SLC12A7: variants seen among roughly 807,000 people sequenced by gnomAD.
SLC12A7 encodes solute carrier family 12 member 7.
SLC12A7 carries 100 observed loss-of-function variants against 120.6 expected under a neutral mutation model. That is an observed-to-expected ratio of 0.83 (90% CI 0.71 to 0.98). The LOEUF (loss-of-function observed/expected upper bound fraction) is 0.98, where lower values mean the gene tolerates loss of function less well. Among genes scored for constraint, SLC12A7 ranks in the 50% least tolerant of loss-of-function variants. The pLI, the probability that SLC12A7 is intolerant of heterozygous loss-of-function variation, is 0.00. For synonymous variants in SLC12A7, 760 were observed against 678.0 expected (o/e 1.12, Z -1.88); for missense variants, 1,373 against 1,548.1 (o/e 0.89, Z 1.90).
the SLC12A7 span, among the ~76,000 whole-genome samples, chr5:1,120,705 G>A: frequency 1.3e-5 from 2 of 152,218 alleles, no homozygotes; most frequent in African/African-American, 4.8e-5. Flanking sequence ...ACGGGCCACA[G>A]ATGGCGTGTC....
the SLC12A7 span, among the ~76,000 whole-genome samples, chr5:1,132,039 C>T: frequency 6.6e-6 from 1 of 152,170 alleles, no homozygotes; most frequent in Admixed American, 6.5e-5. Flanking sequence ...TGAGACGGGA[C>T]GACCGCGCAA....
In SLC12A7 at chr5:1,088,446, G is replaced by A. The variant is rs148303944; in HGVS notation, c.490-86C>T. On this transcript the variant is annotated intron_variant, in intron 4 of 23. Coordinates refer to ENST00000264930, the MANE Select transcript of SLC12A7 (RefSeq NM_006598.3). ...ACTCCCAAGTCAGGGTCTATGACCC[G>A]GCTCCCGCCGAATGCCAGCCCCCAA... is the stretch of plus-strand genomic sequence containing the variant. The A allele has an allele frequency of 2.5e-3, 3,505 of 1,409,268 alleles. 29 individuals are homozygous for A. The highest frequency in any genetic ancestry group is 4.4e-3 in the Middle Eastern group (25 of 5,678). The allele number at this position is 1,409,268 out of a possible 1,614,324, so 87.3% of individuals were successfully genotyped here.
At chr5:1,096,856 G>GGGGGGGAGGGAGGGAA (rs1741293742) in intron 1 of SLC12A7, among the ~76,000 whole-genome samples, 1 of 111,172 alleles carries the variant, frequency 9.0e-6, no homozygotes, top group African/African-American at 3.4e-5. Context: ...GAAGGAGGGA[G>GGGGGGGAGGGAGGGAA]GGAGGGATGA....
At chr5:1,088,226 G>T in intron 5 of SLC12A7, 80 bp downstream of exon 5, 1 of 1,445,362 alleles carries the variant, frequency 6.9e-7, no homozygotes, top group Non-Finnish European at 9.5e-7. Context: ...CTCGCCAAGC[G>T]GCCTCCTCGC....
intron 1 of SLC12A7, among the ~76,000 whole-genome samples, chr5:1,109,181 A>C (rs112763448): frequency 4.0e-4 from 61 of 152,254 alleles, no homozygotes; most frequent in African/African-American, 1.4e-3. Context: ...CCTTCCAGAC[A>C]GGCCGGGGCA....
chr5:1,146,960 T>C, the SLC12A7 span, among the ~76,000 whole-genome samples: 1 of 152,326 alleles, frequency 6.6e-6, no homozygotes, highest in Non-Finnish European at 1.5e-5. This position sits in a 1 kb window ranked among gnomAD's most constrained non-coding sequence, Gnocchi z 6.5. Context: ...GCCGTGTCAC[T>C]GCACAGTCAC....
chr5:1,140,253 T>C, the SLC12A7 span, among the ~76,000 whole-genome samples: 1 of 152,066 alleles, frequency 6.6e-6, no homozygotes, highest in Non-Finnish European at 1.5e-5. Context: ...CAGATCCCCC[T>C]CCTGAGAAAG....
intron 5 of SLC12A7, among the ~76,000 whole-genome samples, chr5:1,087,494 C>T (rs927435357): frequency 5.3e-5 from 8 of 152,270 alleles, no homozygotes; most frequent in Admixed American, 2.6e-4. Context: ...GCCTGGAGAA[C>T]ACAGCTCTCC....
chr5:1,053,891 A>G (rs1319153867), intron 22 of SLC12A7, among the ~76,000 whole-genome samples: 1 of 152,190 alleles, frequency 6.6e-6, no homozygotes, highest in East Asian at 1.9e-4. Context: ...TGACATCTAC[A>G]TCATCGCCCC....
At chr5:1,116,426 C>G (rs73731199), upstream of SLC12A7, among the ~76,000 whole-genome samples, 332 of 152,340 alleles carry the variant, frequency 2.2e-3, 2 homozygotes, top group African/African-American at 7.5e-3. Flanking sequence ...GGGGTACATC[C>G]CATGGAGCTG....
At chr5:1,057,441 TC>T (rs745526990) in intron 22 of SLC12A7, 29 bp downstream of exon 22, 11 of 1,582,898 alleles carry the variant, frequency 6.9e-6, no homozygotes, top group Admixed American at 1.7e-5. Context: ...CAGGATCTGT[TC>T]CCCCCAGGCC....
chr5:1,117,699 A>G, the SLC12A7 span, among the ~76,000 whole-genome samples: 11 of 152,274 alleles, frequency 7.2e-5, no homozygotes, highest in East Asian at 1.9e-4. This position sits in a 1 kb window ranked among gnomAD's most constrained non-coding sequence, Gnocchi z 4.5. Context: ...GACAGCTTCA[A>G]TTCCCTATGA....
intron 1 of SLC12A7, among the ~76,000 whole-genome samples, chr5:1,096,971 GC>G (rs1741329806): frequency 6.6e-6 from 1 of 151,992 alleles, no homozygotes; most frequent in Non-Finnish European, 1.5e-5. Flanking sequence ...CTCCCACGCA[GC>G]CAACCCCACA....
At chr5:1,075,074 G>A (rs560863199) in intron 15 of SLC12A7, among the ~76,000 whole-genome samples, 20 of 152,320 alleles carry the variant, frequency 1.3e-4, no homozygotes, top group Non-Finnish European at 1.3e-4. Flanking sequence ...GACACCTCGC[G>A]AGACACGTAG....
In SLC12A7 at chr5:1,060,349, G is replaced by T. The variant is rs749723263; in HGVS notation, c.2842C>A (p.Arg948=). The T allele has an allele frequency of 6.2e-7, 1 of 1,612,170 alleles. No homozygotes were observed. Among genetic ancestry groups the T allele is most frequent in the African/African-American group, 1.3e-5 (1 of 75,022 alleles). Residue 948 remains arginine (R), a synonymous_variant, in exon 21 of 24, where the codon CGA becomes AGA. Coordinates refer to ENST00000264930, the MANE Select transcript of SLC12A7 (RefSeq NM_006598.3). ...QMQLSKNEQE[R]EAQLIHDRNT... ...TGGCCACGGCCCCCACGTACCTCTCGCTCCTGCTCGTTCTTGGACAGCTGC... is the reference window on the plus strand; with the variant it reads ...TGGCCACGGCCCCCACGTACCTCTCTCTCCTGCTCGTTCTTGGACAGCTGC...
At chr5:1,068,348 T>G (rs1209825225) in intron 17 of SLC12A7, among the ~76,000 whole-genome samples, 1 of 152,186 alleles carries the variant, frequency 6.6e-6, no homozygotes, top group African/African-American at 2.4e-5. Flanking sequence ...GCAGGAGAAC[T>G]GCTTCAACTC....
In SLC12A7 at chr5:1,085,493, CG is replaced by C; in HGVS notation, c.676-21del. On this transcript the variant is annotated intron_variant, in intron 6 of 23. Transcript: ENST00000264930. ...GTACGTCTGTGGGAACAAGGCCGGT[CG>C]GGAGGCCGTCCCCGGACACAACTCC... 1 of 1,576,100 alleles carries C rather than the reference CG, an allele frequency of 6.3e-7. No individual in the cohort carries two copies. The highest frequency in any genetic ancestry group is 2.3e-5 in the East Asian group (1 of 43,072).
chr5:1,135,489 G>C, the SLC12A7 span, among the ~76,000 whole-genome samples: 17 of 152,260 alleles, frequency 1.1e-4, no homozygotes, highest in Admixed American at 7.2e-4. Context: ...TGCGGCCCTC[G>C]TCCCCAGCCC....
intron 7 of SLC12A7, 143 bp from the exon 8 acceptor site, chr5:1,084,099 G>A: frequency 1.4e-6 from 1 of 691,202 alleles, no homozygotes; most frequent in Non-Finnish European, 2.5e-6. Flanking sequence ...GAAGGCCACA[G>A]ATCACGCCAG....
Sources: gnomAD v4.1 joint callset for allele counts (sites outside exome capture counted in the v4.1 genomes callset) on GRCh38, gnomAD v4.1.1 for gene constraint, Gnocchi (gnomAD v3.1) non-coding constraint, MANE v1.5 for transcripts, NCBI Gene and HGNC (gene_info 2026-07-23, HGNC 2026-07-21) for gene names.